SLC25A31: variants seen among roughly 807,000 people sequenced by gnomAD.
SLC25A31 encodes solute carrier family 25 member 31.
In SLC25A31, 40 loss-of-function variants were observed where a neutral mutation model predicts 36.2. The ratio of observed to expected loss-of-function variants is 1.10; its 90% confidence interval spans 0.86 to 1.44. The LOEUF (loss-of-function observed/expected upper bound fraction) is 1.44, where lower values mean the gene tolerates loss of function less well. SLC25A31 is among the 40% of genes most tolerant of loss of function. SLC25A31 has a pLI of 0.00. For missense variants in SLC25A31, 350 were observed against 397.1 expected (o/e 0.88, Z 1.01); for synonymous variants, 143 against 149.7 (o/e 0.96, Z 0.32).
At chr4:127,731,939 C>G (rs971351782) in intron 1 of SLC25A31, among the ~76,000 whole-genome samples, 1 of 152,072 alleles carries the variant, frequency 6.6e-6, no homozygotes, top group African/African-American at 2.4e-5. Context: ...CTTTTTGCAT[C>G]AAGCACTGTC....
intron 3 of SLC25A31, 54 bp from the exon 4 acceptor site, chr4:127,767,012 A>C: frequency 7.1e-7 from 1 of 1,407,166 alleles, no homozygotes; most frequent in Non-Finnish European, 9.5e-7. Context: ...TTTTGATTAA[A>C]GTGTTTATTG....
At chr4:127,740,971 C>T (rs1451648011) in intron 1 of SLC25A31, among the ~76,000 whole-genome samples, 1 of 152,128 alleles carries the variant, frequency 6.6e-6, no homozygotes, top group Non-Finnish European at 1.5e-5. Context: ...AGATCTTTCA[C>T]CTCTTTGGTT....
intron 5 of SLC25A31, among the ~76,000 whole-genome samples, chr4:127,771,154 A>G (rs1448621577): frequency 6.6e-6 from 1 of 151,302 alleles, no homozygotes; most frequent in Non-Finnish European, 1.5e-5. Flanking sequence ...ACAGGGTTTC[A>G]CCATTTTGCC....
At chr4:127,740,830 C>T (rs914179340) in intron 1 of SLC25A31, among the ~76,000 whole-genome samples, 1 of 152,126 alleles carries the variant, frequency 6.6e-6, no homozygotes, top group African/African-American at 2.4e-5. Context: ...GCAGAGAGGG[C>T]CCCACTGCAC....
At chr4:127,756,645 A>G (rs1732035921) in intron 2 of SLC25A31, among the ~76,000 whole-genome samples, 1 of 152,244 alleles carries the variant, frequency 6.6e-6, no homozygotes, top group Non-Finnish European at 1.5e-5. Flanking sequence ...CCACTCAACA[A>G]TATAAATATA....
Position 127,738,803 on chromosome 4 carries a change from A to G in SLC25A31, c.233-5869A>G, listed in dbSNP as rs570089267. On this transcript the variant is annotated intron_variant, in intron 1 of 5. Transcript: ENST00000281154. ...TGGGTGGTCCAAATGTTGGGTATGT[A>G]TATATTTAGGATAGTTAAATCTTCT... is the stretch of plus-strand genomic sequence containing the variant. Among the ~76,000 whole-genome samples, 33 of 152,206 alleles carry G rather than the reference A, an allele frequency of 2.2e-4. No homozygotes were observed. In the South Asian group the frequency reaches 6.4e-3, roughly 30 times the overall value.
chr4:127,741,669 C>A (rs1322534732), intron 1 of SLC25A31, among the ~76,000 whole-genome samples: 4 of 152,060 alleles, frequency 2.6e-5, no homozygotes, highest in African/African-American at 9.7e-5. Context: ...TATTGGCCTG[C>A]AATTTTCTTT....
intron 2 of SLC25A31, among the ~76,000 whole-genome samples, chr4:127,747,716 T>C (rs1300293511): frequency 1.3e-5 from 2 of 152,206 alleles, no homozygotes; most frequent in Non-Finnish European, 2.9e-5. Flanking sequence ...AGTAAAATGT[T>C]TCTGGCCTCT....
chr4:127,752,896 C>G (rs1351075844), intron 2 of SLC25A31, among the ~76,000 whole-genome samples: 1 of 152,098 alleles, frequency 6.6e-6, no homozygotes, highest in African/African-American at 2.4e-5. Flanking sequence ...TCAAATAGAT[C>G]TAACAGATAT....
chr4:127,730,802 C>G, intron 1 of SLC25A31, 25 bp downstream of exon 1: 1 of 1,587,644 alleles, frequency 6.3e-7, no homozygotes, highest in Non-Finnish European at 8.6e-7. Context: ...GCCGCCCCGA[C>G]AGCCTCTCCC....
chr4:127,762,040 G>A (rs1184866971), intron 2 of SLC25A31, among the ~76,000 whole-genome samples: 1 of 152,130 alleles, frequency 6.6e-6, no homozygotes, highest in Non-Finnish European at 1.5e-5. Flanking sequence ...AAAGATCCAT[G>A]GGAGTCTGGG....
At chr4:127,763,217 T>C (rs978814223) in intron 2 of SLC25A31, among the ~76,000 whole-genome samples, 22 of 152,192 alleles carry the variant, frequency 1.4e-4, no homozygotes, top group African/African-American at 4.1e-4. Flanking sequence ...ACAGTTTCAA[T>C]AGATGGGTTG....
chr4:127,747,612 A>C (rs1304072228), intron 2 of SLC25A31, among the ~76,000 whole-genome samples: 1 of 152,338 alleles, frequency 6.6e-6, no homozygotes, highest in East Asian at 1.9e-4. Flanking sequence ...AAATTTGGGC[A>C]TAATAATACC....
At chr4:127,743,527 T>C (rs1417916408) in intron 1 of SLC25A31, among the ~76,000 whole-genome samples, 1 of 152,236 alleles carries the variant, frequency 6.6e-6, no homozygotes, top group Non-Finnish European at 1.5e-5. Context: ...GATTACATGA[T>C]ATACATGTAA....
intron 2 of SLC25A31, among the ~76,000 whole-genome samples, chr4:127,759,842 G>T (rs549556502): frequency 1.6e-4 from 24 of 152,230 alleles, no homozygotes; most frequent in Non-Finnish European, 2.9e-4. Context: ...ATACAAAAAA[G>T]GAACAAACTT....
chr4:127,772,441 C>CT (rs1732381086), intron 5 of SLC25A31, among the ~76,000 whole-genome samples: 2 of 152,112 alleles, frequency 1.3e-5, no homozygotes, highest in African/African-American at 4.8e-5. Flanking sequence ...GGCCTTTTCT[C>CT]TTTTTTCCTC....
At chr4:127,769,766 G>A (rs1333493789) in intron 5 of SLC25A31, among the ~76,000 whole-genome samples, 1 of 152,182 alleles carries the variant, frequency 6.6e-6, no homozygotes, top group East Asian at 1.9e-4. Flanking sequence ...AAAATGATCA[G>A]ACGTGGTCTC....
chr4:127,756,942 A>G (rs368120289), intron 2 of SLC25A31, among the ~76,000 whole-genome samples: 19 of 152,312 alleles, frequency 1.2e-4, no homozygotes, highest in Middle Eastern at 3.4e-3. Flanking sequence ...CGTATGATGC[A>G]TGTTTACACT....
intron 5 of SLC25A31, among the ~76,000 whole-genome samples, chr4:127,771,265 T>G (rs1181389496): frequency 2.6e-5 from 4 of 152,238 alleles, no homozygotes; most frequent in African/African-American, 9.6e-5. Flanking sequence ...CCTGTTCCCC[T>G]TTTTATAAGG....
Sources: gnomAD v4.1 joint callset for allele counts (sites outside exome capture counted in the v4.1 genomes callset) on GRCh38, gnomAD v4.1.1 for gene constraint, MANE v1.5 for transcripts, NCBI Gene and HGNC (gene_info 2026-07-23, HGNC 2026-07-21) for gene names.